The following ABL1 variants were observed in gnomAD, a reference collection of about 807,000 sequenced individuals.
ABL1 encodes ABL proto-oncogene 1, non-receptor tyrosine kinase, also known as tyrosine-protein kinase ABL1.
In ABL1, 11 loss-of-function variants were observed where a neutral mutation model predicts 94.7. The observed-to-expected ratio is 0.12, with a 90% CI of 0.07 to 0.19. ABL1 has a LOEUF of 0.19. ABL1 is among the 10% of genes least tolerant of loss of function. The probability of loss-of-function intolerance (pLI) is 1.00; values close to 1 mark genes in which losing one functional copy is unlikely to be tolerated. For synonymous variants in ABL1, 656 were observed against 622.4 expected (o/e 1.05, Z -0.80); for missense variants, 1,082 against 1,489.4 (o/e 0.73, Z 4.50).
chr9:130,731,603 A>T (rs1055001910), intron 1 of ABL1, among the ~76,000 whole-genome samples: 2 of 149,778 alleles, frequency 1.3e-5, no homozygotes, highest in Admixed American at 1.3e-4. Context: ...CTGCTGGGGA[A>T]CTCCTTCCTG....
Position 130,885,256 on chromosome 9 carries a change from C to T in ABL1, c.2966C>T (p.Ser989Phe). ...GTTCCCTCCACGTTGCCATCAGCAT[C>T]CTCGGCCCTGGCAGGGGACCAGCCG... ...APVPSTLPSA[S>F]SALAGDQPSS... Residue 989 changes from serine (S) to phenylalanine (F), a missense_variant, in exon 11 of 11, where the codon TCC becomes TTC. Transcript: ENST00000318560. 2 of 1,613,878 alleles carry T rather than the reference C, an allele frequency of 1.2e-6. No individual in the cohort carries two copies. The highest frequency in any genetic ancestry group is 8.5e-7 in the Non-Finnish European group (1 of 1,180,034).
chr9:130,803,325 AC>A (rs1252569685), intron 1 of ABL1, among the ~76,000 whole-genome samples: 1 of 152,204 alleles, frequency 6.6e-6, no homozygotes, highest in African/African-American at 2.4e-5. Context: ...AGCGAGAGCC[AC>A]TGCGCCCAGC....
intron 1 of ABL1, among the ~76,000 whole-genome samples, chr9:130,747,476 C>A (rs1018553605): frequency 6.6e-6 from 1 of 152,106 alleles, no homozygotes; most frequent in South Asian, 2.1e-4. Context: ...TGCAGTGGCA[C>A]AACCTCAGCT....
intron 1 of ABL1, among the ~76,000 whole-genome samples, chr9:130,725,838 T>TGTTG (rs1288088468): frequency 7.6e-6 from 1 of 132,334 alleles, no homozygotes; most frequent in Non-Finnish European, 1.7e-5. Flanking sequence ...TTTTTTTTTT[T>TGTTG]TTTTTTTTTT....
chr9:130,725,948 A>G (rs1301627253), intron 1 of ABL1, among the ~76,000 whole-genome samples: 1 of 146,174 alleles, frequency 6.8e-6, no homozygotes, highest in Non-Finnish European at 1.5e-5. Context: ...TCCCGGGCTC[A>G]GGCAGTCCTC....
intron 1 of ABL1, among the ~76,000 whole-genome samples, chr9:130,829,714 A>G (rs1830471402): frequency 6.6e-6 from 1 of 152,228 alleles, no homozygotes; most frequent in African/African-American, 2.4e-5. Context: ...ACAAGGCAAT[A>G]TCTCTAGGAT....
intron 1 of ABL1, among the ~76,000 whole-genome samples, chr9:130,783,449 C>T (rs182897496): frequency 1.3e-5 from 2 of 152,116 alleles, no homozygotes; most frequent in Admixed American, 1.3e-4. Flanking sequence ...AAGGATATAT[C>T]CTGAATTGCA....
chr9:130,834,363 G>A (rs1830532351), upstream of ABL1, among the ~76,000 whole-genome samples: 1 of 151,952 alleles, frequency 6.6e-6, no homozygotes, highest in Non-Finnish European at 1.5e-5. Context: ...TGATTTTATT[G>A]AATTATTTGG....
chr9:130,771,834 A>G (rs1398561069), intron 1 of ABL1, among the ~76,000 whole-genome samples: 2 of 146,892 alleles, frequency 1.4e-5, no homozygotes, highest in African/African-American at 2.5e-5. Flanking sequence ...GCTCACTGCA[A>G]CCTCCTCCTC....
intron 1 of ABL1, among the ~76,000 whole-genome samples, chr9:130,801,701 G>A (rs1186518691): frequency 6.6e-6 from 1 of 152,110 alleles, no homozygotes; most frequent in Non-Finnish European, 1.5e-5. Flanking sequence ...CTTTTGTTTT[G>A]TTTTTGCCCC....
In ABL1 at chr9:130,835,370, GCCGAGCCGGGCCTGAGCCGGGCCCGCGGA is replaced by G; in HGVS notation, c.-70_-42del. The G allele has an allele frequency of 1.1e-6, 1 of 886,990 alleles. No homozygotes were observed. Among genetic ancestry groups the G allele is most frequent in the Middle Eastern group, 4.8e-4 (1 of 2,066 alleles). The allele number at this position is 886,990 out of a possible 1,614,324, so 54.9% of individuals were successfully genotyped here. ...CCGGGGGCGCCGGGGGGGCGCGCGG[GCCGAGCCGGGCCTGAGCCGGGCCCGCGGA>G]CCGAGCTGGGAGAGGGGTTCCGGCC... is the stretch of plus-strand genomic sequence containing the variant. On this transcript the variant is annotated 5_prime_UTR_variant, in exon 1 of 11. Transcript: ENST00000318560. This position sits in a 1 kb window ranked among gnomAD's most constrained non-coding sequence, Gnocchi z 4.6.
At position 130,862,962 on chromosome 9, in the gene ABL1, G is replaced by T; in HGVS notation, c.749G>T (p.Gly250Val). Residue 250 changes from glycine (G) to valine (V), a missense_variant, in exon 4 of 11, where the codon GGG (glycine) becomes GTG (valine). Coordinates refer to ENST00000318560, the MANE Select transcript of ABL1 (RefSeq NM_005157.6). The surrounding 1 kb of genome is among the most constrained non-coding windows in gnomAD (Gnocchi z 5.5). The part of the protein sequence containing the change: ...TDITMKHKLG[G>V]GQYGEVYEGV... ...ATCACCATGAAGCACAAGCTGGGCG[G>T]GGGCCAGTACGGGGAGGTGTACGAG... The T allele has an allele frequency of 6.2e-7, 1 of 1,614,186 alleles. No individual in the cohort carries two copies. The highest frequency in any genetic ancestry group is 8.5e-7 in the Non-Finnish European group (1 of 1,180,018).
chr9:130,805,424 T>C (rs1347098498), intron 1 of ABL1, among the ~76,000 whole-genome samples: 1 of 152,240 alleles, frequency 6.6e-6, no homozygotes, highest in Non-Finnish European at 1.5e-5. Flanking sequence ...ATAAACCTTC[T>C]ACAATCACAG....
intron 1 of ABL1, among the ~76,000 whole-genome samples, chr9:130,808,081 A>G (rs1032703343): frequency 1.4e-5 from 2 of 147,076 alleles, no homozygotes; most frequent in Non-Finnish European, 3.0e-5. Flanking sequence ...AAATTAACTG[A>G]TCAAAAAAAA....
chr9:130,738,713 A>G (rs959893752), intron 1 of ABL1, among the ~76,000 whole-genome samples: 2 of 152,184 alleles, frequency 1.3e-5, no homozygotes, highest in African/African-American at 4.8e-5. Flanking sequence ...AATCATGGAA[A>G]ATTGGTTTTG....
chr9:130,835,412 A>AG lies in ABL1; in HGVS notation c.-31dup, dbSNP rs1447397658. 7.2e-7 allele frequency: 1 copy of AG among 1,392,528 alleles called. No homozygotes were observed. Among genetic ancestry groups the AG allele is most frequent in the Non-Finnish European group, 9.4e-7 (1 of 1,060,534 alleles). The allele number at this position is 1,392,528 out of a possible 1,614,324, so 86.3% of individuals were successfully genotyped here. On this transcript the variant is annotated 5_prime_UTR_variant, in exon 1 of 11. Transcript: ENST00000318560. This position sits in a 1 kb window ranked among gnomAD's most constrained non-coding sequence, Gnocchi z 4.6. ...CCGGGCCCGCGGACCGAGCTGGGAG[A>AG]GGGGTTCCGGCCCCCGACGTGCTGG...
At chr9:130,796,855 GGTT>G (rs1212035130) in intron 1 of ABL1, among the ~76,000 whole-genome samples, 1 of 149,994 alleles carries the variant, frequency 6.7e-6, no homozygotes, top group Admixed American at 6.6e-5. Flanking sequence ...GGGAGGTAGA[GGTT>G]GCGGTGAGCT....
At chr9:130,719,945 A>G (rs911153480) in intron 1 of ABL1, among the ~76,000 whole-genome samples, 1 of 152,226 alleles carries the variant, frequency 6.6e-6, no homozygotes, top group African/African-American at 2.4e-5. Flanking sequence ...AGAGGAAACC[A>G]TGTTATTAAA....
At chr9:130,717,862 A>G (rs1831463770) in intron 1 of ABL1, among the ~76,000 whole-genome samples, 1 of 151,912 alleles carries the variant, frequency 6.6e-6, no homozygotes, top group Admixed American at 6.6e-5. Flanking sequence ...AAAAGTAAAA[A>G]ATTAGCCGGG....
Sources: allele counts gnomAD v4.1 joint callset (sites outside exome capture counted in the v4.1 genomes callset), GRCh38; gene constraint gnomAD v4.1.1; non-coding constraint Gnocchi (gnomAD v3.1); transcripts MANE v1.5; gene names NCBI Gene and HGNC (gene_info 2026-07-23, HGNC 2026-07-21).